Variants in LINGO2 observed in about 807,000 individuals in gnomAD.
LINGO2 encodes the protein leucine rich repeat and Ig domain containing 2.
Under a neutral mutation model 30.6 loss-of-function variants are expected in LINGO2, and 14 were observed. That is an observed-to-expected ratio of 0.46 (90% confidence interval 0.30 to 0.72). The LOEUF (loss-of-function observed/expected upper bound fraction) is 0.72, where lower values mean the gene tolerates loss of function less well. Among genes scored for constraint, LINGO2 ranks in the 30% least tolerant of loss-of-function variants. The probability of loss-of-function intolerance (pLI) is 0.07; values close to 1 mark genes in which losing one functional copy is unlikely to be tolerated. For missense variants in LINGO2, 729 were observed against 751.7 expected, an observed-to-expected ratio of 0.97 and a Z score of 0.35; for synonymous variants, 317 against 288.5, an observed-to-expected ratio of 1.10 and a Z score of -1.00.
the LINGO2 span, among the ~76,000 whole-genome samples, chr9:29,042,444 TGTCCTTCAGTG>T: frequency 6.6e-6 from 1 of 152,018 alleles, no homozygotes; most frequent in African/African-American, 2.4e-5. Context: ...TAATCCCATC[TGTCCTTCAGTG>T]GGTGAATGGT....
the LINGO2 span, among the ~76,000 whole-genome samples, chr9:28,686,820 A>G: frequency 6.6e-6 from 1 of 152,038 alleles, no homozygotes; most frequent in African/African-American, 2.4e-5. Context: ...AATAGATTGT[A>G]ATAATTTCTG....
At chr9:28,970,507 G>T in the LINGO2 span, among the ~76,000 whole-genome samples, 9 of 152,144 alleles carry the variant, frequency 5.9e-5, no homozygotes, top group African/African-American at 2.2e-4. Context: ...ATCTCGAATC[G>T]CTAATGCAAC....
chr9:28,887,881 C>T, the LINGO2 span, among the ~76,000 whole-genome samples: 2 of 152,034 alleles, frequency 1.3e-5, no homozygotes, highest in African/African-American at 4.8e-5. Context: ...TAAGCTCCAA[C>T]TGGATTTAAT....
chr9:28,230,026 A>C (rs12684514), intron 4 of LINGO2, among the ~76,000 whole-genome samples: 36,374 of 151,762 alleles, frequency 0.24, 4,774 homozygotes, highest in African/African-American at 0.35. Flanking sequence ...AGTTATCTTT[A>C]TTTTAAAAAG....
At chr9:29,171,961 C>A in the LINGO2 span, among the ~76,000 whole-genome samples, 1 of 151,686 alleles carries the variant, frequency 6.6e-6, no homozygotes, top group Admixed American at 6.6e-5. Flanking sequence ...AAAGTATAAG[C>A]AAGCTCATTT....
chr9:28,386,128 T>C (rs1467073262), intron 2 of LINGO2, among the ~76,000 whole-genome samples: 1 of 152,186 alleles, frequency 6.6e-6, no homozygotes, highest in African/African-American at 2.4e-5. Context: ...GGATCACCTG[T>C]TCCAAAGATT....
chr9:28,807,911 A>G, the LINGO2 span, among the ~76,000 whole-genome samples: 1 of 152,174 alleles, frequency 6.6e-6, no homozygotes, highest in Non-Finnish European at 1.5e-5. Context: ...TAAATGCTAA[A>G]TGAAAGAAGA....
chr9:28,349,334 G>A (rs1381088161), intron 3 of LINGO2, among the ~76,000 whole-genome samples: 138 of 143,188 alleles, frequency 9.6e-4, no homozygotes, highest in Non-Finnish European at 1.8e-3. Context: ...ACCAAGGCTC[G>A]AGAACTACGT....
exon 6 of LINGO2, chr9:27,948,915 T>A (rs771706677): frequency 4.3e-6 from 7 of 1,614,118 alleles, no homozygotes; most frequent in South Asian, 3.3e-5. Context: ...AGCACCATTG[T>A]TTTTTCTGGG....
intron 2 of LINGO2, among the ~76,000 whole-genome samples, chr9:28,456,974 C>T (rs1228884101): frequency 1.3e-5 from 2 of 152,140 alleles, no homozygotes; most frequent in Non-Finnish European, 2.9e-5. Context: ...GCCTCCAGAA[C>T]TTGGAAGCAA....
the LINGO2 span, among the ~76,000 whole-genome samples, chr9:28,946,617 G>A: frequency 2.0e-4 from 30 of 151,948 alleles, 1 homozygote; most frequent in Admixed American, 5.2e-4. Flanking sequence ...ATTAAAAAGT[G>A]AAACCATACA....
intron 3 of LINGO2, among the ~76,000 whole-genome samples, chr9:28,355,079 G>A (rs1482336589): frequency 6.6e-6 from 1 of 152,120 alleles, no homozygotes; most frequent in Non-Finnish European, 1.5e-5. Context: ...AATAGGAAGA[G>A]AAATTCATTC....
chr9:29,081,165 C>T, the LINGO2 span, among the ~76,000 whole-genome samples: 1 of 151,996 alleles, frequency 6.6e-6, no homozygotes, highest in African/African-American at 2.4e-5. Flanking sequence ...AACATCGATG[C>T]AAAAATCCTC....
chr9:28,129,135 T>G lies in LINGO2; in HGVS notation c.-86-116730A>C, dbSNP rs147230349. Among the ~76,000 whole-genome samples, 239 of 152,328 alleles carry G rather than the reference T, an allele frequency of 1.6e-3. No individual in the cohort carries two copies. The highest frequency in any genetic ancestry group is 5.5e-3 in the African/African-American group (227 of 41,574). ...TTTGACCATAGAATGAAGCCTGCAC[T>G]GTCAACTTCCCTACTTTTGAGGCTT... On this transcript the variant is annotated intron_variant, in intron 4 of 5. Coordinates refer to ENST00000379992, the Ensembl canonical transcript of LINGO2. This position sits in a 1 kb window ranked among gnomAD's most constrained non-coding sequence, Gnocchi z 4.0.
chr9:28,293,319 A>G (rs1027817762), intron 4 of LINGO2, among the ~76,000 whole-genome samples: 12 of 151,988 alleles, frequency 7.9e-5, no homozygotes, highest in African/African-American at 2.9e-4. Context: ...GATGATCTCA[A>G]ACTCCTTGTC....
intron 2 of LINGO2, among the ~76,000 whole-genome samples, chr9:28,457,940 T>G (rs372860394): frequency 6.6e-6 from 1 of 152,154 alleles, no homozygotes. Flanking sequence ...TGAAAAGAAT[T>G]AGCAATCCAG....
intron 5 of LINGO2, among the ~76,000 whole-genome samples, chr9:27,987,042 G>A (rs554223741): frequency 6.6e-6 from 1 of 151,348 alleles, no homozygotes; most frequent in Admixed American, 6.6e-5. Context: ...ACTTTTTTTT[G>A]TGTGTGTGTG....
At chr9:29,026,150 A>G in the LINGO2 span, among the ~76,000 whole-genome samples, 1 of 151,956 alleles carries the variant, frequency 6.6e-6, no homozygotes, top group East Asian at 1.9e-4. Context: ...CTCCCACCTC[A>G]GATTCCTAAG....
At chr9:28,952,659 A>G in the LINGO2 span, among the ~76,000 whole-genome samples, 7 of 152,038 alleles carry the variant, frequency 4.6e-5, no homozygotes, top group South Asian at 8.3e-4. Context: ...TTCGAGACCT[A>G]TGGCCCCCTG....
Sources: gnomAD v4.1 joint callset for allele counts (sites outside exome capture counted in the v4.1 genomes callset) on GRCh38, gnomAD v4.1.1 for gene constraint, Gnocchi (gnomAD v3.1) non-coding constraint, MANE v1.5 for transcripts, NCBI Gene and HGNC (gene_info 2026-07-23, HGNC 2026-07-21) for gene names.